The following DNMBP variants were observed in gnomAD, a reference collection of about 807,000 sequenced individuals.
DNMBP encodes dynamin-binding protein.
In DNMBP, 87 loss-of-function variants were observed where a neutral mutation model predicts 150.0. The ratio of observed to expected loss-of-function variants is 0.58; its 90% CI spans 0.49 to 0.69. DNMBP has a LOEUF of 0.69. Among genes scored for constraint, DNMBP ranks in the 30% least tolerant of loss-of-function variants. The pLI is 0.00. For missense variants in DNMBP, 1,774 were observed against 1,949.0 expected, an observed-to-expected ratio of 0.91 and a Z score of 1.69; for synonymous variants, 711 against 750.4, an observed-to-expected ratio of 0.95 and a Z score of 0.86.
intron 4 of DNMBP, among the ~76,000 whole-genome samples, chr10:99,912,440 AAAAC>A (rs1383650546): frequency 4.6e-5 from 7 of 152,300 alleles, no homozygotes; most frequent in Admixed American, 4.6e-4. Context: ...AAAATGGAGA[AAAAC>A]AATAACAATT....
At chr10:99,955,060 G>GAA (rs371096393) in intron 4 of DNMBP, among the ~76,000 whole-genome samples, 154 bp downstream of exon 4, 24 of 128,332 alleles carry the variant, frequency 1.9e-4, no homozygotes, top group Admixed American at 1.5e-3. Context: ...CAAAAAAAAG[G>GAA]AAAAAAAAAA....
At chr10:99,985,938 G>A (rs1336587446) in intron 1 of DNMBP, among the ~76,000 whole-genome samples, 1 of 152,054 alleles carries the variant, frequency 6.6e-6, no homozygotes, top group Non-Finnish European at 1.5e-5. Flanking sequence ...TTTTTGTAGA[G>A]ACGGGTTTCA....
chr10:99,901,206 G>A (rs567368923), intron 6 of DNMBP, among the ~76,000 whole-genome samples: 1 of 152,212 alleles, frequency 6.6e-6, no homozygotes, highest in Non-Finnish European at 1.5e-5. Flanking sequence ...AAAGTGCTGG[G>A]ATTACAGGTG....
rs1282608834 is a variant in DNMBP at position 99,877,044 on chromosome 10, G to A, written c.*107C>T. On this transcript the variant is annotated 3_prime_UTR_variant, in exon 17 of 17. Coordinates refer to ENST00000324109, the MANE Select transcript of DNMBP (RefSeq NM_015221.4). ...CTCCACCATGCCATGGTTAAGCAAC[G>A]CAGACAGGGCCTGTGTCTCAGGAGC... 2.3e-5 allele frequency: 23 copies of A among 994,320 alleles called. No individual in the cohort carries two copies. Among genetic ancestry groups the A allele is most frequent in the African/African-American group, 9.8e-5 (6 of 60,934 alleles). The allele number at this position is 994,320 out of a possible 1,614,324, so 61.6% of individuals were successfully genotyped here. A position where few individuals can be genotyped will look rare whatever the true frequency, so the allele number is the denominator to read the frequency against.
chr10:99,925,130 CT>C (rs199936120), intron 4 of DNMBP, among the ~76,000 whole-genome samples: 3 of 151,732 alleles, frequency 2.0e-5, no homozygotes, highest in African/African-American at 4.8e-5. Flanking sequence ...TTTCCTAACA[CT>C]TTTTTTTTCT....
intron 4 of DNMBP, chr10:99,929,522 G>T: frequency 1.7e-6 from 1 of 601,074 alleles, no homozygotes; most frequent in South Asian, 2.1e-5. Flanking sequence ...GGCTCCTTAA[G>T]AACACAAGTG....
chr10:99,906,589 G>A (rs1282863653), intron 6 of DNMBP, among the ~76,000 whole-genome samples: 1 of 152,116 alleles, frequency 6.6e-6, no homozygotes, highest in East Asian at 1.9e-4. Context: ...CTCTCATTCT[G>A]TCTCTCGCTC....
In DNMBP at chr10:99,955,398, G is replaced by C. The variant is rs368373146; in HGVS notation, c.2076C>G (p.Pro692=). Residue 692 remains proline (P), a synonymous_variant, in exon 4 of 17, where the codon CCC becomes CCG. Coordinates refer to ENST00000324109, the MANE Select transcript of DNMBP (RefSeq NM_015221.4). ...TTTCCTCAATCCTCACCAGCACTAA[G>C]GGGCATGGGGAGGTCTGGTCCAGAC... is the stretch of plus-strand genomic sequence containing the variant. ...GRSLDQTSPC[P]LVLVRIEEME... 6 of 1,614,146 alleles carry C rather than the reference G, an allele frequency of 3.7e-6. No homozygotes were observed. The highest frequency in any genetic ancestry group is 5.1e-6 in the Non-Finnish European group (6 of 1,180,032).
At chr10:99,940,295 C>A (rs1317139065) in intron 4 of DNMBP, among the ~76,000 whole-genome samples, 2 of 152,162 alleles carry the variant, frequency 1.3e-5, no homozygotes, top group Non-Finnish European at 2.9e-5. Context: ...CCTGACTTTG[C>A]CACTTAATAG....
chr10:99,918,660 A>G (rs935788095), intron 4 of DNMBP, among the ~76,000 whole-genome samples: 11 of 145,794 alleles, frequency 7.5e-5, no homozygotes, highest in African/African-American at 2.8e-4. Context: ...TCCGCCTCCC[A>G]GGTTCAAACA....
intron 3 of DNMBP, among the ~76,000 whole-genome samples, chr10:99,965,312 G>A (rs2040609575): frequency 6.6e-6 from 1 of 152,032 alleles, no homozygotes; most frequent in Non-Finnish European, 1.5e-5. Context: ...TTTAAACTTA[G>A]GCCTGTCAGA....
In DNMBP at chr10:99,956,049, C is replaced by A. The variant is rs758536684; in HGVS notation, c.1425G>T (p.Val475=). 3.7e-6 allele frequency: 6 copies of A among 1,614,216 alleles called. No homozygotes were observed. The highest frequency in any genetic ancestry group is 5.1e-6 in the Non-Finnish European group (6 of 1,180,042). The change falls in exon 4 of 17, where the codon GTG becomes GTT. Residue 475 remains valine, a synonymous_variant. Coordinates refer to ENST00000324109, the MANE Select transcript of DNMBP (RefSeq NM_015221.4). Reference sequence around the variant, plus strand: ...CAGAAGAGCCCCTGTAAAGAGGGAGCACTGGCTTCTGAAGAGTTTTTAGCT... The same window carrying A: ...CAGAAGAGCCCCTGTAAAGAGGGAGAACTGGCTTCTGAAGAGTTTTTAGCT... ...YSQLKTLQKP[V]LPLYRGSSVS...
intron 4 of DNMBP, among the ~76,000 whole-genome samples, chr10:99,918,566 T>C (rs2039991067): frequency 8.6e-6 from 1 of 116,378 alleles, no homozygotes. Context: ...TACAGGAGTC[T>C]GCAACTTCTT....
intron 1 of DNMBP, among the ~76,000 whole-genome samples, chr10:100,000,268 C>T (rs1467692903): frequency 2.6e-5 from 4 of 152,078 alleles, no homozygotes; most frequent in Admixed American, 2.6e-4. Context: ...GGGTGTGAGG[C>T]TGGGGAGGTA....
At chr10:99,916,722 C>A (rs1460994744) in intron 4 of DNMBP, among the ~76,000 whole-genome samples, 3 of 151,902 alleles carry the variant, frequency 2.0e-5, no homozygotes, top group Non-Finnish European at 4.4e-5. Flanking sequence ...AGCCCAGAAG[C>A]CTGCTTTTAG....
At chr10:99,914,846 C>T (rs1357576626) in intron 4 of DNMBP, among the ~76,000 whole-genome samples, 1 of 151,700 alleles carries the variant, frequency 6.6e-6, no homozygotes, top group African/African-American at 2.4e-5. Context: ...AATCCCAGCA[C>T]CCTGGGAGGC....
intron 1 of DNMBP, among the ~76,000 whole-genome samples, chr10:99,974,540 C>T (rs1181501157): frequency 6.6e-6 from 1 of 152,138 alleles, no homozygotes; most frequent in African/African-American, 2.4e-5. Flanking sequence ...GGGTCTTGCT[C>T]TGTTGCCCAG....
In DNMBP at chr10:99,908,068, A is replaced by AT; in HGVS notation, c.2480_2481insA (p.Gly829TrpfsTer8). On this transcript the variant is annotated frameshift_variant, in exon 6 of 17. Coordinates refer to ENST00000324109, the MANE Select transcript of DNMBP (RefSeq NM_015221.4). LOFTEE classifies it high-confidence loss of function. ...TAATCACCATCTGCATATTTCCAAA[A>AT]AGTCCCTCAAAATCAATGTTTGGTA... 1 of 1,613,986 alleles carries AT rather than the reference A, an allele frequency of 6.2e-7. No individual in the cohort carries two copies. The highest frequency in any genetic ancestry group is 8.5e-7 in the Non-Finnish European group (1 of 1,179,870).
chr10:99,895,956 T>C (rs1335279365), intron 10 of DNMBP, among the ~76,000 whole-genome samples: 1 of 152,220 alleles, frequency 6.6e-6, no homozygotes, highest in Admixed American at 6.5e-5. Flanking sequence ...CTTTGTAACA[T>C]CATGTATCCA....
Sources: allele counts gnomAD v4.1 joint callset (sites outside exome capture counted in the v4.1 genomes callset), GRCh38; gene constraint gnomAD v4.1.1; transcripts MANE v1.5; gene names NCBI Gene and HGNC (gene_info 2026-07-23, HGNC 2026-07-21).